The following CLHC1 variants were observed in gnomAD, a reference collection of about 807,000 sequenced individuals.
The protein encoded by CLHC1 is clathrin heavy chain linker domain-containing protein 1.
CLHC1 carries 72 observed loss-of-function variants against 69.5 expected under a neutral mutation model. The ratio of observed to expected loss-of-function variants is 1.04; its 90% confidence interval spans 0.86 to 1.26. The LOEUF is 1.26. Among genes scored for constraint, CLHC1 ranks in the 50% most tolerant of loss-of-function variants. The pLI is 0.00. For synonymous variants in CLHC1, 223 were observed against 224.3 expected (o/e 0.99, Z 0.05); for missense variants, 790 against 679.3 (o/e 1.16, Z -1.81).
intron 1 of CLHC1, among the ~76,000 whole-genome samples, chr2:55,229,634 G>C (rs568761449): frequency 3.9e-5 from 6 of 152,362 alleles, no homozygotes; most frequent in African/African-American, 7.2e-5. Flanking sequence ...CTTGGCAAGA[G>C]GAGCAACACT....
chr2:55,200,328 T>A (rs574207819), intron 9 of CLHC1, among the ~76,000 whole-genome samples: 1 of 142,868 alleles, frequency 7.0e-6, no homozygotes, highest in South Asian at 2.2e-4. Context: ...ACATATAGAC[T>A]GAAAACACAG....
chr2:55,194,897 C>A (rs1671258134), intron 9 of CLHC1, among the ~76,000 whole-genome samples: 1 of 151,916 alleles, frequency 6.6e-6, no homozygotes, highest in Non-Finnish European at 1.5e-5. Context: ...AACACTTACA[C>A]TCCACTCTCT....
intron 9 of CLHC1, among the ~76,000 whole-genome samples, chr2:55,198,050 G>A (rs1386222174): frequency 2.6e-5 from 4 of 152,150 alleles, no homozygotes; most frequent in Admixed American, 2.6e-4. Flanking sequence ...GTTGAAAAAT[G>A]CAATTGACAT....
intron 9 of CLHC1, among the ~76,000 whole-genome samples, chr2:55,187,519 T>C (rs1457326923): frequency 6.6e-6 from 1 of 151,234 alleles, no homozygotes; most frequent in Non-Finnish European, 1.5e-5. Flanking sequence ...GGTTGGGGCA[T>C]AAGAATCACT....
intron 9 of CLHC1, among the ~76,000 whole-genome samples, chr2:55,205,919 G>T (rs1672398005): frequency 6.6e-6 from 1 of 151,628 alleles, no homozygotes; most frequent in South Asian, 2.1e-4. Context: ...TTACCAAATT[G>T]TGTACTTTAA....
At chr2:55,184,775 C>T (rs564907979) in intron 9 of CLHC1, among the ~76,000 whole-genome samples, 1 of 151,826 alleles carries the variant, frequency 6.6e-6, no homozygotes, top group Admixed American at 6.6e-5. Context: ...TGTGGTGGCA[C>T]CTGCCTTTAA....
rs747577269 is a variant in CLHC1, at chr2:55,176,033, TCTATACTTTA to T, written c.1565-57_1565-48del. 5.5e-6 allele frequency: 8 copies of T among 1,460,072 alleles called. No individual in the cohort carries two copies. The South Asian group carries it at 9.5e-5, about 17-fold the overall frequency. The allele number at this position is 1,460,072 out of a possible 1,614,324, so 90.4% of individuals were successfully genotyped here. The stretch of plus-strand genomic sequence containing the variant: ...TTATAGTATGGCACTTATTTGATAA[TCTATACTTTA>T]GTGATTCTTCAAAAATAGAAAAGGA... On this transcript the variant is annotated intron_variant, in intron 12 of 12. Coordinates refer to ENST00000401408, the MANE Select transcript of CLHC1 (RefSeq NM_152385.4).
rs35508061 is a variant in CLHC1, at chr2:55,205,400, T to TACAC, written c.1006+866_1006+869dup. On this transcript the variant is annotated intron_variant, in intron 9 of 12. Transcript: ENST00000401408. The stretch of plus-strand genomic sequence containing the variant: ...TCAAGGGATGATTGGATAAAGAAAA[T>TACAC]ACACACACACACACACACACACGCA... Among the ~76,000 whole-genome samples the TACAC allele has an allele frequency of 5.5e-3, 815 of 147,770 alleles. 3 individuals are homozygous for TACAC. The highest frequency in any genetic ancestry group is 0.026 in the East Asian group (132 of 5,022).
chr2:55,206,047 T>G (rs752425375), intron 9 of CLHC1, among the ~76,000 whole-genome samples: 3 of 152,192 alleles, frequency 2.0e-5, no homozygotes, highest in Non-Finnish European at 4.4e-5. Context: ...AGTACATGGG[T>G]GTTAATGTTT....
intron 2 of CLHC1, chr2:55,224,633 C>G: frequency 4.0e-6 from 1 of 250,032 alleles, no homozygotes; most frequent in South Asian, 4.3e-5. Context: ...CGCAGTGCGG[C>G]GTTGGGAGTG....
intron 3 of CLHC1, among the ~76,000 whole-genome samples, chr2:55,219,487 C>G (rs545262132): frequency 6.6e-6 from 1 of 152,236 alleles, no homozygotes; most frequent in African/African-American, 2.4e-5. Context: ...AAAAATCTAC[C>G]TACATGGAAT....
intron 9 of CLHC1, among the ~76,000 whole-genome samples, chr2:55,190,955 T>C (rs1314143060): frequency 1.3e-5 from 2 of 150,300 alleles, no homozygotes; most frequent in Non-Finnish European, 3.0e-5. Context: ...AAAGTAAAAA[T>C]GAGAAAATCT....
chr2:55,199,244 C>T (rs919619760), intron 9 of CLHC1, among the ~76,000 whole-genome samples: 6 of 131,234 alleles, frequency 4.6e-5, no homozygotes, highest in African/African-American at 1.7e-4. Context: ...TTGCAGTGAG[C>T]TGAGATCATG....
intron 2 of CLHC1, among the ~76,000 whole-genome samples, chr2:55,226,656 C>T (rs1372802150): frequency 1.3e-5 from 2 of 152,166 alleles, no homozygotes; most frequent in African/African-American, 4.8e-5. Context: ...TGTTTTGAGA[C>T]AGTCTTGCTC....
chr2:55,227,699 GA>G (rs1674849072), intron 2 of CLHC1, among the ~76,000 whole-genome samples: 1 of 140,004 alleles, frequency 7.1e-6, no homozygotes, highest in Non-Finnish European at 1.6e-5. Context: ...AAAAGTAAAA[GA>G]TAAAAGTCAA....
chr2:55,217,860 G>T lies in CLHC1; in HGVS notation c.316C>A (p.Pro106Thr). Residue 106 changes from proline to threonine, a missense_variant, in exon 4 of 13, where the codon CCT (proline) becomes ACT (threonine). Pro to Thr is a conservative substitution (Grantham distance 38). Transcript: ENST00000401408. ...TTCCTGTAATATACCAAAGCTGTAG[G>T]CTCTGCTGCCAAACCTTTAAGTTTT... ...HGKLKGLAAE[P>T]TALVYYRKRT... 1 of 1,605,092 alleles carries T rather than the reference G, an allele frequency of 6.2e-7. No individual in the cohort carries two copies. The highest frequency in any genetic ancestry group is 8.5e-7 in the Non-Finnish European group (1 of 1,176,906).
intron 9 of CLHC1, among the ~76,000 whole-genome samples, chr2:55,195,693 T>C (rs1189499043): frequency 6.6e-6 from 1 of 151,984 alleles, no homozygotes; most frequent in East Asian, 1.9e-4. Flanking sequence ...TCCCAGCTAT[T>C]GGGGAGGCTG....
intron 9 of CLHC1, among the ~76,000 whole-genome samples, chr2:55,198,015 G>C (rs908868222): frequency 1.2e-4 from 18 of 152,002 alleles, no homozygotes; most frequent in African/African-American, 4.1e-4. Context: ...GAAATAATTA[G>C]AAAGAGACAG....
intron 3 of CLHC1, among the ~76,000 whole-genome samples, chr2:55,219,781 A>G (rs922451211): frequency 6.6e-6 from 1 of 152,214 alleles, no homozygotes; most frequent in African/African-American, 2.4e-5. Flanking sequence ...AAGGAAGAAG[A>G]GGAATGGTTT....
Sources: gnomAD v4.1 joint callset for allele counts (sites outside exome capture counted in the v4.1 genomes callset) on GRCh38, gnomAD v4.1.1 for gene constraint, MANE v1.5 for transcripts, NCBI Gene and HGNC (gene_info 2026-07-23, HGNC 2026-07-21) for gene names.